Variants in RGS6 observed in about 807,000 individuals in gnomAD.
RGS6 encodes the protein regulator of G-protein signaling 6.
Under a neutral mutation model 78.5 loss-of-function variants are expected in RGS6, and 30 were observed. The observed-to-expected ratio is 0.38, with a 90% CI of 0.29 to 0.52. RGS6 has a LOEUF of 0.52. RGS6 is among the 20% of genes least tolerant of loss of function. The probability of loss-of-function intolerance (pLI) is 0.85; values close to 1 mark genes in which losing one functional copy is unlikely to be tolerated. For missense variants in RGS6, 495 were observed against 609.7 expected, an observed-to-expected ratio of 0.81 and a Z score of 1.98; for synonymous variants, 206 against 206.0, an observed-to-expected ratio of 1.00 and a Z score of 0.00.
chr14:72,101,120 G>T (rs1224900858), intron 2 of RGS6, among the ~76,000 whole-genome samples: 2 of 152,204 alleles, frequency 1.3e-5, no homozygotes, highest in Admixed American at 1.3e-4. Flanking sequence ...TGAGGCTGCA[G>T]TGAGCCGTGA....
At chr14:72,033,609 T>C (rs902807195) in intron 2 of RGS6, among the ~76,000 whole-genome samples, 1 of 152,166 alleles carries the variant, frequency 6.6e-6, no homozygotes. Flanking sequence ...CCCCGAATCA[T>C]AAGCGAGTAT....
At chr14:72,208,768 GAATT>G (rs1191079482) in intron 2 of RGS6, among the ~76,000 whole-genome samples, 1 of 152,164 alleles carries the variant, frequency 6.6e-6, no homozygotes, top group Non-Finnish European at 1.5e-5. Flanking sequence ...GATGGGAAAA[GAATT>G]AATATTATTG....
intron 2 of RGS6, among the ~76,000 whole-genome samples, chr14:72,298,517 A>G (rs1316686643): frequency 7.4e-6 from 1 of 135,128 alleles, no homozygotes; most frequent in Non-Finnish European, 1.5e-5. Flanking sequence ...GTGCCATCTC[A>G]GCTCACTGCA....
At chr14:72,211,385 T>C (rs1257471761) in intron 2 of RGS6, among the ~76,000 whole-genome samples, 1 of 152,196 alleles carries the variant, frequency 6.6e-6, no homozygotes, top group African/African-American at 2.4e-5. Flanking sequence ...TGGGGAGTTA[T>C]GCAGCTAGAA....
At chr14:72,317,082 C>T (rs1419166527) in intron 2 of RGS6, among the ~76,000 whole-genome samples, 1 of 152,072 alleles carries the variant, frequency 6.6e-6, no homozygotes, top group East Asian at 1.9e-4. Flanking sequence ...CTAATGCTGG[C>T]TGTAGCACTG....
At chr14:71,870,623 G>T in the RGS6 span, among the ~76,000 whole-genome samples, 2 of 152,218 alleles carry the variant, frequency 1.3e-5, no homozygotes, top group Non-Finnish European at 2.9e-5. Flanking sequence ...GCTAGGAAAA[G>T]TTCCTGGGGA....
At chr14:72,355,801 G>A (rs2080138176) in intron 3 of RGS6, among the ~76,000 whole-genome samples, 1 of 152,170 alleles carries the variant, frequency 6.6e-6, no homozygotes, top group Non-Finnish European at 1.5e-5. Context: ...GGAGATGAGG[G>A]ATTGAATCAT....
chr14:72,261,895 A>G (rs2058231882), intron 2 of RGS6, among the ~76,000 whole-genome samples: 1 of 152,220 alleles, frequency 6.6e-6, no homozygotes, highest in Non-Finnish European at 1.5e-5. Flanking sequence ...TTCTAGAGAT[A>G]ATTTCTGAGT....
At chr14:72,219,897 G>T (rs1379183282) in intron 2 of RGS6, among the ~76,000 whole-genome samples, 1 of 151,754 alleles carries the variant, frequency 6.6e-6, no homozygotes, top group Non-Finnish European at 1.5e-5. Context: ...TTTTCTTCCA[G>T]ACGAACATTC....
At chr14:72,005,860 TTTATTCA>T (rs946881888) in intron 2 of RGS6, among the ~76,000 whole-genome samples, 2 of 152,250 alleles carry the variant, frequency 1.3e-5, no homozygotes, top group African/African-American at 4.8e-5. Flanking sequence ...ACATTTTTAC[TTTATTCA>T]TTATTGTTTT....
intron 2 of RGS6, among the ~76,000 whole-genome samples, chr14:72,260,166 C>G (rs1389869054): frequency 6.6e-6 from 1 of 152,132 alleles, no homozygotes; most frequent in African/African-American, 2.4e-5. Context: ...TTGTTAGGCT[C>G]TATGATCTGG....
chr14:72,235,716 A>G (rs1015141833), intron 2 of RGS6, among the ~76,000 whole-genome samples: 1 of 152,210 alleles, frequency 6.6e-6, no homozygotes, highest in Admixed American at 6.5e-5. Context: ...CAGTCCAACA[A>G]TGTGCTAGTT....
intron 2 of RGS6, among the ~76,000 whole-genome samples, chr14:72,051,927 C>A (rs8015563): frequency 0.14 from 21,378 of 151,872 alleles, 1,726 homozygotes; most frequent in Non-Finnish European, 0.18. Flanking sequence ...CTTCCTTCCT[C>A]TATAGATTCT....
At chr14:72,358,357 C>T (rs2080797342) in intron 3 of RGS6, among the ~76,000 whole-genome samples, 1 of 152,214 alleles carries the variant, frequency 6.6e-6, no homozygotes, top group Non-Finnish European at 1.5e-5. Flanking sequence ...GGTCCACCCC[C>T]AGCTTGCACT....
intron 17 of RGS6, chr14:72,553,357 G>C (rs1166096063): frequency 6.6e-6 from 1 of 152,650 alleles, no homozygotes; most frequent in Non-Finnish European, 1.5e-5. Flanking sequence ...CCAGCAGTGG[G>C]TGAGTGATCC....
intron 2 of RGS6, among the ~76,000 whole-genome samples, chr14:72,335,233 G>A (rs75411149): frequency 2.5e-4 from 38 of 152,218 alleles, no homozygotes; most frequent in African/African-American, 8.9e-4. Flanking sequence ...TCTTAGCAGC[G>A]TGAGAACAGA....
At chr14:72,147,895 G>T (rs886166255) in intron 2 of RGS6, among the ~76,000 whole-genome samples, 2 of 152,128 alleles carry the variant, frequency 1.3e-5, no homozygotes, top group Non-Finnish European at 2.9e-5. Context: ...ACTTTGGGAG[G>T]CCAAGGCGGG....
the RGS6 span, among the ~76,000 whole-genome samples, chr14:72,596,136 G>A: frequency 1.3e-5 from 2 of 152,150 alleles, no homozygotes; most frequent in Non-Finnish European, 2.9e-5. Context: ...CTGAGGTTCC[G>A]AAGCCCCTAA....
At chr14:72,286,186 A>G (rs1199346576) in intron 2 of RGS6, among the ~76,000 whole-genome samples, 2 of 152,212 alleles carry the variant, frequency 1.3e-5, no homozygotes, top group African/African-American at 4.8e-5. Flanking sequence ...GTTGATTTTT[A>G]TATGGTATAA....
Sources: allele counts gnomAD v4.1 joint callset (sites outside exome capture counted in the v4.1 genomes callset), GRCh38; gene constraint gnomAD v4.1.1; transcripts MANE v1.5; gene names NCBI Gene and HGNC (gene_info 2026-07-23, HGNC 2026-07-21).